The following PRKCH variants were observed in gnomAD, a reference collection of about 807,000 sequenced individuals.
PRKCH encodes protein kinase C eta type.
In PRKCH, 28 loss-of-function variants were observed where a neutral mutation model predicts 82.5. The observed-to-expected ratio is 0.34, with a 90% CI of 0.25 to 0.47. The LOEUF (loss-of-function observed/expected upper bound fraction) is 0.47, where lower values mean the gene tolerates loss of function less well. PRKCH is among the 20% of genes least tolerant of loss of function. The pLI, the probability that PRKCH is intolerant of heterozygous loss-of-function variation, is 1.00. For synonymous variants in PRKCH, 322 were observed against 327.4 expected (o/e 0.98, Z 0.18); for missense variants, 705 against 881.8 (o/e 0.80, Z 2.54).
chr14:61,326,973 G>A, intron 1 of PRKCH: 1 of 423,672 alleles, frequency 2.4e-6, no homozygotes, highest in Non-Finnish European at 4.8e-6. Flanking sequence ...TTCTAAATGG[G>A]GACCAGCATC....
intron 2 of PRKCH, among the ~76,000 whole-genome samples, chr14:61,435,897 G>GTTT (rs1389757805): frequency 1.4e-4 from 22 of 152,300 alleles, no homozygotes; most frequent in African/African-American, 5.3e-4. Context: ...AGGAGACTAA[G>GTTT]AAAGACGATT....
rs530138626 is a variant in PRKCH, at chr14:61,525,943, A to G, written c.1434-3132A>G. On this transcript the variant is annotated intron_variant, in intron 10 of 13. Transcript: ENST00000332981. Reference sequence around the variant, plus strand: ...CCTGGGGCTGCAGACTAGTGTGTCTAACCTCAGCCAGGCGCCTCTCTACTG... The same window carrying G: ...CCTGGGGCTGCAGACTAGTGTGTCTGACCTCAGCCAGGCGCCTCTCTACTG... 6.3e-4 allele frequency: 96 copies of G among 152,334 alleles called. 1 individual carries two copies. Among genetic ancestry groups the G allele is most frequent in the South Asian group, 2.7e-3 (13 of 4,826 alleles). The allele number at this position is 152,334 out of a possible 1,614,324, so 9.4% of individuals were successfully genotyped here.
rs530126886 is a variant in PRKCH at position 61,433,597 on chromosome 14, A to C, written c.428-9514A>C. 1.1e-3 allele frequency among the ~76,000 whole-genome samples: 166 copies of C among 152,316 alleles called. 2 individuals carry two copies. The highest frequency in any genetic ancestry group is 3.8e-3 in the African/African-American group (158 of 41,556). On this transcript the variant is annotated intron_variant, in intron 2 of 13. Transcript: ENST00000332981. The stretch of plus-strand genomic sequence containing the variant: ...AAATGAGAAAAATACACAGATTTTA[A>C]ACAGAGGAGCCCTGCTTTCACGGGG...
At chr14:61,381,183 A>C (rs906319988) in intron 1 of PRKCH, among the ~76,000 whole-genome samples, 8 of 152,162 alleles carry the variant, frequency 5.3e-5, no homozygotes, top group Admixed American at 2.0e-4. Flanking sequence ...GACTTCCCCT[A>C]GTGGCAGGTA....
chr14:61,205,574 A>G lies in PRKCH; in HGVS notation c.-19+17906A>G, dbSNP rs553899348. 5.3e-5 allele frequency among the ~76,000 whole-genome samples: 8 copies of G among 152,248 alleles called. No individual in the cohort carries two copies. The East Asian group carries it at 1.5e-3, about 29-fold the overall frequency. ...GCCCACATCTGAGTTGACCTGTGTG[A>G]GGTGAGCACTTCCTGCCGTGCTGAC... is the stretch of plus-strand genomic sequence containing the variant. On this transcript the variant is annotated intron_variant, in intron 1 of 3. Transcript: ENST00000555185.
rs1884687145 is a variant in PRKCH, at chr14:61,454,886, A to G, written c.960+1533A>G. On this transcript the variant is annotated intron_variant, in intron 7 of 13. Transcript: ENST00000332981. ...GGTGTCCAGTTCAGGAAAATTATCG[A>G]CTCAACTAATTAATCTCTGGGTGCT... 2.0e-5 allele frequency among the ~76,000 whole-genome samples: 3 copies of G among 151,982 alleles called. No individual in the cohort carries two copies. In the South Asian group the frequency reaches 6.2e-4, roughly 31 times the overall value.
At chr14:61,531,595 C>T (rs188573566) in intron 12 of PRKCH, among the ~76,000 whole-genome samples, 53 of 152,254 alleles carry the variant, frequency 3.5e-4, no homozygotes, top group African/African-American at 1.2e-3. Context: ...GCTTGATTGT[C>T]CCTGAGAATT....
intron 1 of PRKCH, among the ~76,000 whole-genome samples, chr14:61,327,822 G>C (rs981957134): frequency 6.6e-6 from 1 of 152,174 alleles, no homozygotes; most frequent in Non-Finnish European, 1.5e-5. Context: ...GTGATTGGGG[G>C]ACAAGTAAAG....
intron 1 of PRKCH, among the ~76,000 whole-genome samples, chr14:61,296,128 AG>A (rs1189771361): frequency 2.0e-5 from 3 of 152,214 alleles, no homozygotes; most frequent in African/African-American, 7.2e-5. Context: ...GCTGGGAGAG[AG>A]TAAAAGGGTA....
chr14:61,219,046 G>A (rs1342412101), intron 1 of PRKCH, among the ~76,000 whole-genome samples: 4 of 152,250 alleles, frequency 2.6e-5, no homozygotes, highest in African/African-American at 9.6e-5. Flanking sequence ...GACTTAATCA[G>A]TGTCCCTGAA....
chr14:61,364,055 G>C (rs1175331842), intron 1 of PRKCH, among the ~76,000 whole-genome samples: 1 of 145,782 alleles, frequency 6.9e-6, no homozygotes, highest in Non-Finnish European at 1.5e-5. Context: ...ATATATATTT[G>C]TGTGTATATA....
At chr14:61,529,334 C>G in intron 11 of PRKCH, 121 bp downstream of exon 11, 1 of 1,214,390 alleles carries the variant, frequency 8.2e-7, no homozygotes, top group Non-Finnish European at 1.1e-6. Context: ...GTGTCTAGAG[C>G]CGACACCTCT....
At chr14:61,389,266 C>G (rs140871644) in intron 1 of PRKCH, among the ~76,000 whole-genome samples, 11 of 152,002 alleles carry the variant, frequency 7.2e-5, no homozygotes, top group African/African-American at 2.7e-4. Flanking sequence ...AGGAAAATCA[C>G]TTGAACCCAG....
In PRKCH at chr14:61,443,121, G is replaced by C. The variant is rs1273986848; in HGVS notation, c.438G>C (p.Gln146His). Reference sequence around the variant, plus strand: ...CCTTTTAATATATAGCTACTCTCCAGAGAGACCGGATCTTCAAACATTTTA... The same window carrying C: ...CCTTTTAATATATAGCTACTCTCCACAGAGACCGGATCTTCAAACATTTTA... ...LTGSFTEATL[Q>H]RDRIFKHFTR... Residue 146 changes from glutamine (Q) to histidine (H), a missense_variant, in exon 3 of 14, where the codon CAG becomes CAC. Around this residue, in one of 5 missense-constraint regions of PRKCH, gnomAD observed 246 missense variants for 308.0 expected, o/e 0.80. Coordinates refer to ENST00000332981, the MANE Select transcript of PRKCH (RefSeq NM_006255.5). The C allele has an allele frequency of 6.2e-7, 1 of 1,613,750 alleles. No homozygotes were observed. Among genetic ancestry groups the C allele is most frequent in the Non-Finnish European group, 8.5e-7 (1 of 1,179,818 alleles).
At chr14:61,500,125 A>C (rs1594765970) in intron 10 of PRKCH, among the ~76,000 whole-genome samples, 1 of 150,986 alleles carries the variant, frequency 6.6e-6, no homozygotes, top group East Asian at 1.9e-4. Context: ...TCTCTTACGA[A>C]ATCAGAACTA....
intron 1 of PRKCH, among the ~76,000 whole-genome samples, chr14:61,246,329 A>G (rs2044882517): frequency 6.6e-6 from 1 of 150,974 alleles, no homozygotes; most frequent in African/African-American, 2.4e-5. Context: ...AATCACTTGA[A>G]CCTGGGAGGT....
At chr14:61,475,959 CTATT>C (rs1885711062) in intron 9 of PRKCH, among the ~76,000 whole-genome samples, 1 of 152,128 alleles carries the variant, frequency 6.6e-6, no homozygotes, top group African/African-American at 2.4e-5. Context: ...AATTTTCTAT[CTATT>C]TACTTTGTAA....
At chr14:61,504,868 T>G (rs1224145168) in intron 10 of PRKCH, among the ~76,000 whole-genome samples, 2 of 152,186 alleles carry the variant, frequency 1.3e-5, no homozygotes, top group East Asian at 3.8e-4. Context: ...AGGTTTGTAT[T>G]CATTTATTAA....
At chr14:61,529,600 T>C (rs1253680052) in intron 11 of PRKCH, among the ~76,000 whole-genome samples, 2 of 151,442 alleles carry the variant, frequency 1.3e-5, no homozygotes, top group African/African-American at 4.9e-5. Context: ...TTCATGTCCT[T>C]TGTAGGGACA....
Sources: allele counts gnomAD v4.1 joint callset (sites outside exome capture counted in the v4.1 genomes callset), GRCh38; gene constraint gnomAD v4.1.1; regional missense constraint gnomAD v4.1.1; transcripts MANE v1.5; gene names NCBI Gene and HGNC (gene_info 2026-07-23, HGNC 2026-07-21).